Variants in ADGRE1 observed in about 807,000 individuals in gnomAD.
ADGRE1 encodes EGF-like module receptor 1.
ADGRE1 carries 82 observed loss-of-function variants against 102.7 expected under a neutral mutation model. That is an observed-to-expected ratio of 0.80 (90% CI 0.67 to 0.96). The LOEUF (loss-of-function observed/expected upper bound fraction) is 0.96, where lower values mean the gene tolerates loss of function less well. Among genes scored for constraint, ADGRE1 ranks in the 40% least tolerant of loss-of-function variants. ADGRE1 has a pLI of 0.00. For synonymous variants in ADGRE1, 398 were observed against 399.6 expected (o/e 1.00, Z 0.05); for missense variants, 1,032 against 1,085.3 (o/e 0.95, Z 0.69).
intron 8 of ADGRE1, 85 bp downstream of exon 8, chr19:6,904,267 T>C (rs1973871229): frequency 3.9e-5 from 60 of 1,521,318 alleles, no homozygotes; most frequent in Non-Finnish European, 5.2e-5. Context: ...CCTCGGGATC[T>C]TCCTCTTAGT....
chr19:6,928,446 C>A, intron 17 of ADGRE1: 5 of 962,012 alleles, frequency 5.2e-6, no homozygotes, highest in Non-Finnish European at 7.3e-6. Flanking sequence ...GCCAACTTGG[C>A]GAAACCCCAT....
At chr19:6,921,532 T>G (rs1974666075) in intron 13 of ADGRE1, among the ~76,000 whole-genome samples, 181 bp from the exon 14 acceptor site, 1 of 152,222 alleles carries the variant, frequency 6.6e-6, no homozygotes, top group African/African-American at 2.4e-5. Context: ...GCAACAGCAA[T>G]GTGAGCTGCC....
intron 6 of ADGRE1, among the ~76,000 whole-genome samples, chr19:6,903,076 T>C (rs769898391): frequency 2.8e-4 from 43 of 152,246 alleles, no homozygotes; most frequent in Non-Finnish European, 5.1e-4. Flanking sequence ...GGCTACTTCA[T>C]AGGCAGAGAG....
At chr19:6,919,425 T>C (rs60450324) in intron 12 of ADGRE1, 123 bp from the exon 13 acceptor site, 5 of 565,456 alleles carry the variant, frequency 8.8e-6, no homozygotes, top group Non-Finnish European at 1.5e-5. Context: ...TCTCTCTCTC[T>C]CTCCCCCTCC....
chr19:6,926,679 T>C, intron 16 of ADGRE1, 78 bp downstream of exon 16: 1 of 1,427,108 alleles, frequency 7.0e-7, no homozygotes, highest in South Asian at 1.2e-5. Flanking sequence ...ACAAGAAGAG[T>C]AACAACAGTA....
chr19:6,928,272 C>T (rs1284821154), intron 17 of ADGRE1, 61 bp downstream of exon 17: 11 of 1,613,046 alleles, frequency 6.8e-6, no homozygotes, highest in African/African-American at 1.3e-5. Context: ...AGGAGACCTG[C>T]GAGATCTGGA....
At position 6,902,509 on chromosome 19, in the gene ADGRE1, C is replaced by T. The variant is rs767873061; in HGVS notation, c.661+488C>T. 7.2e-5 allele frequency among the ~76,000 whole-genome samples: 11 copies of T among 152,014 alleles called. No homozygotes were observed. The East Asian group carries it at 1.2e-3, about 16-fold the overall frequency. On this transcript the variant is annotated intron_variant, in intron 6 of 20. Transcript: ENST00000312053. ...AGGCTGGAGTGCAGTGGTACAATCT[C>T]GGCTCACTGCAACCTCCCCCTCCTG...
chr19:6,934,413 CTTCTTCTTTT>C (rs985739984), intron 17 of ADGRE1, among the ~76,000 whole-genome samples: 7 of 136,296 alleles, frequency 5.1e-5, no homozygotes, highest in South Asian at 4.6e-4. Flanking sequence ...AATTCTTCTT[CTTCTTCTTTT>C]TTTTTTTTTT....
At chr19:6,908,835 C>T in intron 10 of ADGRE1, 63 bp downstream of exon 10, 1 of 1,492,162 alleles carries the variant, frequency 6.7e-7, no homozygotes, top group Non-Finnish European at 9.2e-7. Flanking sequence ...ACTTTGGGTG[C>T]AGAAAGATGT....
In ADGRE1 at chr19:6,924,910, T is replaced by C. The variant is rs368405177; in HGVS notation, c.1986+38T>C. 790 of 1,602,852 alleles carry C rather than the reference T, an allele frequency of 4.9e-4. 2 individuals are homozygous for C. The highest frequency in any genetic ancestry group is 3.5e-4 in the Non-Finnish European group (408 of 1,172,204). On this transcript the variant is annotated intron_variant, in intron 15 of 20. Coordinates refer to ENST00000312053, the MANE Select transcript of ADGRE1 (RefSeq NM_001974.5). The stretch of plus-strand genomic sequence containing the variant: ...CGGGCTGTGTCCCCACCAAGCCCCA[T>C]CTTCTCCCCACCTGCCTCAGCTCAT...
chr19:6,926,629 G>A, intron 16 of ADGRE1, 28 bp downstream of exon 16: 1 of 1,610,350 alleles, frequency 6.2e-7, no homozygotes, highest in Non-Finnish European at 8.5e-7. Flanking sequence ...TCTTCCTGAA[G>A]ACCCTGCTGC....
chr19:6,895,648 A>G (rs1318023773), intron 2 of ADGRE1: 1 of 152,216 alleles, frequency 6.6e-6, no homozygotes, highest in African/African-American at 2.4e-5. Context: ...AAGGGGAGGC[A>G]GGTGATACTG....
In ADGRE1 at chr19:6,925,382, C is replaced by A. The variant is rs549885984; in HGVS notation, c.1986+510C>A. Among the ~76,000 whole-genome samples the A allele has an allele frequency of 2.6e-5, 4 of 152,312 alleles. No homozygotes were observed. In the South Asian group the frequency reaches 8.3e-4, roughly 32 times the overall value. Reference sequence around the variant, plus strand: ...AGGTGATCCACCCGCCTTGGTCTCCCAAAGTGCTGGGATTATAGGCTTCAG... The same window carrying A: ...AGGTGATCCACCCGCCTTGGTCTCCAAAAGTGCTGGGATTATAGGCTTCAG... On this transcript the variant is annotated intron_variant, in intron 15 of 20. Transcript: ENST00000312053.
intron 1 of ADGRE1, among the ~76,000 whole-genome samples, chr19:6,888,069 T>C (rs1178361854): frequency 6.6e-6 from 1 of 152,182 alleles, no homozygotes; most frequent in African/African-American, 2.4e-5. Flanking sequence ...CATTGGGTCA[T>C]TATTAGTCCT....
At chr19:6,892,448 A>G (rs2144881643) in intron 2 of ADGRE1, among the ~76,000 whole-genome samples, 1 of 152,308 alleles carries the variant, frequency 6.6e-6, no homozygotes, top group East Asian at 1.9e-4. Context: ...TGCTTTAAAA[A>G]AATCCTGAAT....
chr19:6,920,864 C>T (rs1047210643), intron 13 of ADGRE1, among the ~76,000 whole-genome samples: 2 of 152,090 alleles, frequency 1.3e-5, no homozygotes, highest in African/African-American at 2.4e-5. Flanking sequence ...AAAAATATTT[C>T]TCTGCTTACT....
chr19:6,923,002 G>A lies in ADGRE1; in HGVS notation c.1791+1119G>A, dbSNP rs141201773. On this transcript the variant is annotated intron_variant, in intron 14 of 20. Coordinates refer to ENST00000312053, the MANE Select transcript of ADGRE1 (RefSeq NM_001974.5). ...TGAGGCGGGAGAATGGCGTGAACCCGGGAGGCAGGGCTTGCAGTGAGCTGA... is the reference window on the plus strand; with the variant it reads ...TGAGGCGGGAGAATGGCGTGAACCCAGGAGGCAGGGCTTGCAGTGAGCTGA... Among the ~76,000 whole-genome samples the A allele has an allele frequency of 8.4e-3, 1,284 of 152,220 alleles. 19 individuals carry two copies. Among genetic ancestry groups the A allele is most frequent in the African/African-American group, 0.029 (1,187 of 41,546 alleles).
Position 6,897,283 on chromosome 19 carries a change from C to T in ADGRE1, c.373C>T (p.Pro125Ser). ...PTGNDWVPGK[P>S]GNFSCTDINE... The stretch of plus-strand genomic sequence containing the variant: ...TGGAAATGACTGGGTCCCAGGAAAG[C>T]CGGGCAATTTCTCCTGTACTGGTAA... The change falls in exon 4 of 21, where the codon CCG becomes TCG. Residue 125 changes from proline (P) to serine (S), a missense_variant. Physicochemically the swap from Pro to Ser is moderately conservative, Grantham distance 74 (BLOSUM62 -1). Transcript: ENST00000312053. The T allele has an allele frequency of 6.2e-7, 1 of 1,613,724 alleles. No individual in the cohort carries two copies. The highest frequency in any genetic ancestry group is 8.5e-7 in the Non-Finnish European group (1 of 1,179,958).
intron 2 of ADGRE1, 159 bp from the exon 3 acceptor site, chr19:6,896,239 T>G: frequency 5.7e-5 from 37 of 648,840 alleles, no homozygotes; most frequent in Non-Finnish European, 8.8e-5. Context: ...CCAAATAAGA[T>G]GAAATTCACA....
Sources: allele counts gnomAD v4.1 joint callset (sites outside exome capture counted in the v4.1 genomes callset), GRCh38; gene constraint gnomAD v4.1.1; transcripts MANE v1.5; gene names NCBI Gene and HGNC (gene_info 2026-07-23, HGNC 2026-07-21).